The following ERP44 variants were observed in gnomAD, a reference collection of about 807,000 sequenced individuals.
ERP44 encodes endoplasmic reticulum protein 44.
In ERP44, 25 loss-of-function variants were observed where a neutral mutation model predicts 53.4. That is an observed-to-expected ratio of 0.47 (90% CI 0.34 to 0.65). The LOEUF is 0.65. ERP44 is among the 30% of genes least tolerant of loss of function. The pLI is 0.01. For synonymous variants in ERP44, 145 were observed against 161.2 expected, an observed-to-expected ratio of 0.90 and a Z score of 0.76; for missense variants, 338 against 493.2, an observed-to-expected ratio of 0.69 and a Z score of 2.98.
At chr9:100,031,300 G>A (rs1436707264) in intron 4 of ERP44, among the ~76,000 whole-genome samples, 1 of 152,216 alleles carries the variant, frequency 6.6e-6, no homozygotes, top group African/African-American at 2.4e-5. Context: ...CCAGGGAACA[G>A]GAGTTTTGGG....
intron 3 of ERP44, among the ~76,000 whole-genome samples, chr9:100,054,201 A>G (rs1395007624): frequency 6.6e-6 from 1 of 152,190 alleles, no homozygotes; most frequent in Non-Finnish European, 1.5e-5. Context: ...TTATTTGACT[A>G]TGTATTCTAA....
chr9:99,985,015 G>A lies in ERP44; in HGVS notation c.1071C>T (p.His357=), dbSNP rs766005963. Reference sequence around the variant, plus strand: ...GGTCAGGTCCATGATGGAATTCTCTGTGCAGTTTTCCAGAATGTAAGTCAA... The same window carrying A: ...GGTCAGGTCCATGATGGAATTCTCTATGCAGTTTTCCAGAATGTAAGTCAA... ...FVFDLHSGKL[H]REFHHGPDPT... is the part of the protein sequence containing the mutation. Residue 357 remains histidine, a synonymous_variant, in exon 11 of 12, where the codon CAC becomes CAT. Transcript: ENST00000262455. 4.3e-6 allele frequency: 7 copies of A among 1,613,654 alleles called. No individual in the cohort carries two copies. Among genetic ancestry groups the A allele is most frequent in the Non-Finnish European group, 5.1e-6 (6 of 1,179,652 alleles).
chr9:100,077,359 G>C lies in ERP44; in HGVS notation c.58-17187C>G, dbSNP rs527383582. 2.0e-5 allele frequency among the ~76,000 whole-genome samples: 3 copies of C among 152,316 alleles called. No homozygotes were observed. In the East Asian group the frequency reaches 5.8e-4, roughly 29 times the overall value. ...TCATCCTGAAGCAGCTGGATTGACA[G>C]AACGATGGAATCGCCTTTTGAAGTC... is the stretch of plus-strand genomic sequence containing the variant. On this transcript the variant is annotated intron_variant, in intron 1 of 11. Transcript: ENST00000262455.
chr9:100,056,289 T>C (rs1224987456), intron 3 of ERP44, among the ~76,000 whole-genome samples: 1 of 152,230 alleles, frequency 6.6e-6, no homozygotes, highest in Admixed American at 6.5e-5. Context: ...CCTAATTTAC[T>C]TTGAAAAATG....
chr9:100,014,337 G>A (rs1358642261), intron 8 of ERP44, among the ~76,000 whole-genome samples: 1 of 152,116 alleles, frequency 6.6e-6, no homozygotes, highest in African/African-American at 2.4e-5. Context: ...CCAGGCTGGA[G>A]TGCAGTGGTG....
chr9:99,999,001 T>C, intron 10 of ERP44: 1 of 1,162,066 alleles, frequency 8.6e-7, no homozygotes, highest in South Asian at 1.3e-5. Flanking sequence ...GAACTGGAAG[T>C]AGTCGTGCGT....
chr9:100,077,417 T>C (rs7036518), intron 1 of ERP44, among the ~76,000 whole-genome samples: 69,190 of 151,732 alleles, frequency 0.46, 17,165 homozygotes, highest in East Asian at 0.9. Context: ...GACAATACTT[T>C]GCAGGGCTCG....
At position 100,001,721 on chromosome 9, in the gene ERP44, G is replaced by A. The variant is rs549099995; in HGVS notation, c.1016+4785C>T. Among the ~76,000 whole-genome samples, 9 of 152,256 alleles carry A rather than the reference G, an allele frequency of 5.9e-5. No individual in the cohort carries two copies. The South Asian group carries it at 6.2e-4, about 11-fold the overall frequency. ...TACCTGTGTCCCTTATAGGTGAAGC[G>A]AATCTCTTGTAGGCAGTTTATAGTT... On this transcript the variant is annotated intron_variant, in intron 10 of 11. Transcript: ENST00000262455.
rs1282215596 is a variant in ERP44 at position 100,007,561 on chromosome 9, CACCTTA to C, written c.874+11_874+16del. 8 of 1,162,530 alleles carry C rather than the reference CACCTTA, an allele frequency of 6.9e-6. No homozygotes were observed. The highest frequency in any genetic ancestry group is 9.1e-6 in the Non-Finnish European group (7 of 772,018). The allele number at this position is 1,162,530 out of a possible 1,614,324, so 72.0% of individuals were successfully genotyped here. ...GAGAGAAAGAAATGATGAAAATAAA[CACCTTA>C]ATCTGTCTACCTTTTTCACTTATTA... On this transcript the variant is annotated intron_variant, in intron 9 of 11. Coordinates refer to ENST00000262455, the MANE Select transcript of ERP44 (RefSeq NM_015051.3).
chr9:100,082,120 TA>T (rs1337630761), intron 1 of ERP44, among the ~76,000 whole-genome samples: 1 of 152,072 alleles, frequency 6.6e-6, no homozygotes, highest in Admixed American at 6.5e-5. Flanking sequence ...AAAAAACTTT[TA>T]AATTATCCCA....
chr9:100,094,974 GAA>G (rs942932783), intron 1 of ERP44, among the ~76,000 whole-genome samples: 48 of 51,068 alleles, frequency 9.4e-4, no homozygotes, highest in African/African-American at 3.2e-3. Context: ...TCTGCCTCAA[GAA>G]AAAAAAAAAA....
chr9:100,064,163 G>A (rs556549384), intron 1 of ERP44, among the ~76,000 whole-genome samples: 31 of 152,156 alleles, frequency 2.0e-4, no homozygotes, highest in Non-Finnish European at 3.1e-4. Context: ...CCTTAAATTA[G>A]TTATTTGCAC....
intron 1 of ERP44, among the ~76,000 whole-genome samples, chr9:100,071,509 T>C (rs1826304061): frequency 1.3e-5 from 2 of 152,206 alleles, no homozygotes; most frequent in South Asian, 4.1e-4. Flanking sequence ...CCTAGTTTCT[T>C]ATTCTTAAGT....
chr9:100,005,969 A>C (rs574716273), intron 10 of ERP44, among the ~76,000 whole-genome samples: 3 of 152,350 alleles, frequency 2.0e-5, no homozygotes, highest in South Asian at 2.1e-4. Flanking sequence ...ACATATATTA[A>C]TACTATAAAT....
At chr9:100,043,291 A>ATAAAAAAAAAAAAAG (rs1168903331) in intron 4 of ERP44, among the ~76,000 whole-genome samples, 1 of 74,878 alleles carries the variant, frequency 1.3e-5, no homozygotes. Context: ...AAAAAAAAAA[A>ATAAAAAAAAAAAAAG]GATAAATAAG....
intron 7 of ERP44, among the ~76,000 whole-genome samples, 173 bp downstream of exon 7, chr9:100,018,081 CTT>C (rs1166551002): frequency 6.6e-6 from 1 of 152,052 alleles, no homozygotes; most frequent in Non-Finnish European, 1.5e-5. Context: ...TGACTTTAGG[CTT>C]CTGTGGTCCC....
chr9:100,003,580 G>C (rs1191528800), intron 10 of ERP44, among the ~76,000 whole-genome samples: 1 of 150,654 alleles, frequency 6.6e-6, no homozygotes, highest in Non-Finnish European at 1.5e-5. Flanking sequence ...GGGTGAGCTT[G>C]GTGCCTGGGT....
intron 1 of ERP44, among the ~76,000 whole-genome samples, chr9:100,069,130 T>C (rs889633214): frequency 6.6e-6 from 1 of 151,872 alleles, no homozygotes; most frequent in Admixed American, 6.6e-5. Context: ...CCTAATCTCA[T>C]GTACCCAGGG....
At chr9:100,059,573 G>A (rs994301224) in intron 2 of ERP44, among the ~76,000 whole-genome samples, 2 of 152,118 alleles carry the variant, frequency 1.3e-5, no homozygotes, top group African/African-American at 4.8e-5. Flanking sequence ...TGTAGTCCTA[G>A]CTAACTTGGA....
Sources: allele counts gnomAD v4.1 joint callset (sites outside exome capture counted in the v4.1 genomes callset), GRCh38; gene constraint gnomAD v4.1.1; transcripts MANE v1.5; gene names NCBI Gene and HGNC (gene_info 2026-07-23, HGNC 2026-07-21).